VOPP1: variants seen among roughly 807,000 people sequenced by gnomAD.
The protein encoded by VOPP1 is VOPP1 WW domain binding protein.
A neutral mutation model predicts 23.5 loss-of-function variants in VOPP1; 8 were observed. The observed-to-expected ratio is 0.34, with a 90% CI of 0.20 to 0.61. The LOEUF is 0.61. Among genes scored for constraint, VOPP1 ranks in the 20% least tolerant of loss-of-function variants. The pLI is 0.78. For synonymous variants in VOPP1, 83 were observed against 97.3 expected, an observed-to-expected ratio of 0.85 and a Z score of 0.86; for missense variants, 174 against 238.1, an observed-to-expected ratio of 0.73 and a Z score of 1.77.
chr7:55,505,845 T>C (rs549924015), intron 2 of VOPP1, among the ~76,000 whole-genome samples: 172 of 152,318 alleles, frequency 1.1e-3, no homozygotes, highest in Non-Finnish European at 2.1e-3. Context: ...CATAATTTTA[T>C]AAATACAGCT....
At chr7:55,498,870 T>C (rs2129026077) in intron 2 of VOPP1, among the ~76,000 whole-genome samples, 1 of 152,244 alleles carries the variant, frequency 6.6e-6, no homozygotes, top group Middle Eastern at 3.4e-3. Context: ...TCTTCCCTGG[T>C]TGTGCACCCA....
At chr7:55,499,112 C>T (rs1387696724) in intron 2 of VOPP1, among the ~76,000 whole-genome samples, 2 of 152,022 alleles carry the variant, frequency 1.3e-5, no homozygotes, top group South Asian at 2.1e-4. Context: ...CCATGAAATG[C>T]TCCCATTGGC....
chr7:55,544,420 C>A (rs999160746), intron 1 of VOPP1, among the ~76,000 whole-genome samples: 2 of 152,322 alleles, frequency 1.3e-5, no homozygotes, highest in South Asian at 4.1e-4. Flanking sequence ...TAGCTCCAGG[C>A]TCCTGAGGGC....
chr7:55,475,301 C>T (rs1029320681), intron 4 of VOPP1, among the ~76,000 whole-genome samples: 6 of 152,042 alleles, frequency 3.9e-5, no homozygotes, highest in Admixed American at 2.6e-4. Flanking sequence ...GACAGTGGGC[C>T]GAGTGGGCAG....
chr7:55,511,274 C>G (rs946054177), intron 2 of VOPP1, among the ~76,000 whole-genome samples: 1 of 152,190 alleles, frequency 6.6e-6, no homozygotes, highest in East Asian at 1.9e-4. Flanking sequence ...CATGATGACC[C>G]TCAGGGAGAG....
chr7:55,537,640 C>T lies in VOPP1; in HGVS notation c.55-16510G>A, dbSNP rs559372767. 8 of 1,523,154 alleles carry T rather than the reference C, an allele frequency of 5.3e-6. No homozygotes were observed. In the South Asian group the frequency reaches 9.7e-5, roughly 18 times the overall value. The allele number at this position is 1,523,154 out of a possible 1,614,324, so 94.4% of individuals were successfully genotyped here. A position where few individuals can be genotyped will look rare whatever the true frequency, so the allele number is the denominator to read the frequency against. ...CAATACGGAGCACACATAAATAAAG[C>T]TCTGGCGCCCGCAGACCCTGCAGTA... On this transcript the variant is annotated intron_variant, in intron 1 of 4. Coordinates refer to ENST00000285279, the MANE Select transcript of VOPP1 (RefSeq NM_030796.5).
intron 1 of VOPP1, among the ~76,000 whole-genome samples, chr7:55,524,668 T>G (rs1281963891): frequency 2.0e-5 from 3 of 152,212 alleles, no homozygotes; most frequent in Non-Finnish European, 4.4e-5. Flanking sequence ...TTGTTGAGGC[T>G]TTCCTTCAAT....
rs367735469 is a variant in VOPP1, at chr7:55,537,846, G to A, written c.55-16716C>T. ...TCCACTACTTCAAACCCATGAAAGG[G>A]GGAACTGCCCACAAAAGTTCATTCT... On this transcript the variant is annotated intron_variant, in intron 1 of 4. Coordinates refer to ENST00000285279, the MANE Select transcript of VOPP1 (RefSeq NM_030796.5). Among the ~76,000 whole-genome samples the A allele has an allele frequency of 2.0e-5, 3 of 152,282 alleles. No homozygotes were observed. The East Asian group carries it at 5.8e-4, about 29-fold the overall frequency.
rs906932635 is a variant in VOPP1 at position 55,470,938 on chromosome 7, G to A, written c.*1917C>T. ...AACAAACTCTGTCTCACACAAACAT[G>A]GGAATACAAAATTGTTGAGCCCTAG... is the stretch of plus-strand genomic sequence containing the variant. On this transcript the variant is annotated 3_prime_UTR_variant, in exon 5 of 5. Transcript: ENST00000285279. The A allele has an allele frequency of 1.4e-4, 21 of 152,368 alleles. No individual in the cohort carries two copies. The highest frequency in any genetic ancestry group is 5.1e-4 in the African/African-American group (21 of 41,514). 9.4% of individuals were successfully genotyped at this position (152,368 alleles called of 1,614,324 possible).
At chr7:55,562,075 G>A in intron 1 of VOPP1, 1 of 703,044 alleles carries the variant, frequency 1.4e-6, no homozygotes, top group Non-Finnish European at 2.6e-6. Context: ...AAGATGACTA[G>A]GCTCCAGGTG....
chr7:55,564,100 T>C (rs1231694104), intron 1 of VOPP1, among the ~76,000 whole-genome samples: 2 of 152,172 alleles, frequency 1.3e-5, no homozygotes, highest in African/African-American at 4.8e-5. Flanking sequence ...CAGCTGCCCT[T>C]AGGCTATAGG....
chr7:55,460,612 T>C (rs760645190), intron 4 of VOPP1, among the ~76,000 whole-genome samples: 7 of 152,232 alleles, frequency 4.6e-5, no homozygotes, highest in African/African-American at 1.7e-4. Flanking sequence ...AGCATTGTTA[T>C]AGGTTGGTGC....
At chr7:55,548,793 TTGCTCTGTAGATTATAAGTAGACGAAAGA>T (rs1797474236) in intron 1 of VOPP1, among the ~76,000 whole-genome samples, 1 of 152,252 alleles carries the variant, frequency 6.6e-6, no homozygotes, top group Non-Finnish European at 1.5e-5. Flanking sequence ...ACCAGCACTC[TTGCTCTGTAGATTATAAGTAGACGAAAGA>T]TGAAAGAAAA....
chr7:55,526,132 T>C (rs1357480147), intron 1 of VOPP1, among the ~76,000 whole-genome samples: 1 of 152,188 alleles, frequency 6.6e-6, no homozygotes, highest in Non-Finnish European at 1.5e-5. Context: ...GAAGAGCTCA[T>C]GAAAACAGTA....
rs528183944 is a variant in VOPP1, at chr7:55,444,469, A to G, written n.418-8295T>C. On this transcript the variant is annotated intron_variant and non_coding_transcript_variant, in intron 4 of 4. Coordinates refer to the VOPP1 transcript ENST00000462326. ...GAGTCCAAGGCAGAAATTGCAACTC[A>G]CTTTATCAGAAGTCACACACCATCA... is the stretch of plus-strand genomic sequence containing the variant. Among the ~76,000 whole-genome samples, 7 of 152,314 alleles carry G rather than the reference A, an allele frequency of 4.6e-5. No homozygotes were observed. In the South Asian group the frequency reaches 1.5e-3, roughly 32 times the overall value.
At chr7:55,524,895 T>C (rs1796078874) in intron 1 of VOPP1, among the ~76,000 whole-genome samples, 2 of 152,124 alleles carry the variant, frequency 1.3e-5, no homozygotes, top group African/African-American at 4.8e-5. Context: ...GCACCAGGAC[T>C]CAGGACAAAG....
At chr7:55,506,959 A>G (rs961589696) in intron 2 of VOPP1, among the ~76,000 whole-genome samples, 2 of 152,132 alleles carry the variant, frequency 1.3e-5, no homozygotes, top group African/African-American at 4.8e-5. Context: ...CTTCTTTATA[A>G]TATTACTTAA....
At position 55,544,925 on chromosome 7, in the gene VOPP1, A is replaced by T. The variant is rs138953749; in HGVS notation, c.55-23795T>A. Among the ~76,000 whole-genome samples the T allele has an allele frequency of 1.3e-4, 20 of 152,368 alleles. No individual in the cohort carries two copies. In the East Asian group the frequency reaches 2.9e-3, roughly 22 times the overall value. On this transcript the variant is annotated intron_variant, in intron 1 of 4. Transcript: ENST00000285279. The stretch of plus-strand genomic sequence containing the variant: ...GTGGATTTAACCAGATATTTTAAAT[A>T]CATTTTACTTTCGTGTAATCGGTAC...
chr7:55,527,961 T>C (rs1796286015), intron 1 of VOPP1, among the ~76,000 whole-genome samples: 1 of 151,926 alleles, frequency 6.6e-6, no homozygotes, highest in South Asian at 2.1e-4. Context: ...AAAAATCACA[T>C]AATTGTTGGG....
Sources: allele counts gnomAD v4.1 joint callset (sites outside exome capture counted in the v4.1 genomes callset), GRCh38; gene constraint gnomAD v4.1.1; transcripts MANE v1.5; gene names NCBI Gene and HGNC (gene_info 2026-07-23, HGNC 2026-07-21).